The following KLHL26 variants were observed in gnomAD, a reference collection of about 807,000 sequenced individuals.
The protein encoded by KLHL26 is kelch like family member 26, also known as kelch-like protein 26.
In KLHL26, 4 loss-of-function variants were observed where a neutral mutation model predicts 7.1. The observed-to-expected ratio is 0.56, with a 90% confidence interval of 0.28 to 1.28. KLHL26 has a LOEUF of 1.28. KLHL26 is among the 50% of genes most tolerant of loss of function. KLHL26 has a pLI of 0.11. For synonymous variants in KLHL26, 465 were observed against 414.1 expected, an observed-to-expected ratio of 1.12 and a Z score of -1.49; for missense variants, 896 against 924.6, an observed-to-expected ratio of 0.97 and a Z score of 0.40.
intron 1 of KLHL26, among the ~76,000 whole-genome samples, chr19:18,658,362 C>A (rs555479971): frequency 6.6e-6 from 1 of 151,994 alleles, no homozygotes; most frequent in Non-Finnish European, 1.5e-5. Context: ...CTCTGGCACT[C>A]GAGCCCCACA....
At chr19:18,655,199 G>A (rs981304966) in intron 1 of KLHL26, among the ~76,000 whole-genome samples, 1 of 152,234 alleles carries the variant, frequency 6.6e-6, no homozygotes, top group African/African-American at 2.4e-5. Context: ...GGCGGCTGGA[G>A]GACTAGTGGG....
intron 1 of KLHL26, among the ~76,000 whole-genome samples, chr19:18,663,690 G>A (rs1412473195): frequency 6.6e-6 from 1 of 151,612 alleles, no homozygotes; most frequent in Non-Finnish European, 1.5e-5. Context: ...AAGAAGTGGT[G>A]TGTTAACGGC....
Position 18,668,525 on chromosome 19 carries a change from CG to C in KLHL26, c.1129del (p.Glu377ArgfsTer14). ...GGCAGCACCTGCAGTACCGCAGCGG[CG>C]AGGGCGCAGTGGACGCCTGCTACCG... is the stretch of plus-strand genomic sequence containing the variant. ...GGQHLQYRSGEGAVDACYRYD... is the reference protein window; with the variant it reads ...GGQHLQYRSGXGAVDACYRYD... On this transcript the variant is annotated frameshift_variant, in exon 3 of 3. Transcript: ENST00000300976. LOFTEE classifies it low-confidence loss of function (END_TRUNC). 6.3e-7 allele frequency: 1 copy of C among 1,598,352 alleles called. No homozygotes were observed. The highest frequency in any genetic ancestry group is 1.1e-5 in the South Asian group (1 of 90,744).
At chr19:18,657,107 C>T (rs2052342361) in intron 1 of KLHL26, among the ~76,000 whole-genome samples, 1 of 151,762 alleles carries the variant, frequency 6.6e-6, no homozygotes, top group Non-Finnish European at 1.5e-5. Flanking sequence ...CTCCCTATCT[C>T]TGAGTCTCTG....
chr19:18,639,640 C>T (rs535913012), intron 1 of KLHL26, among the ~76,000 whole-genome samples: 4 of 148,684 alleles, frequency 2.7e-5, no homozygotes, highest in African/African-American at 9.9e-5. Context: ...GAACTGCTGA[C>T]CTCAAGTGAT....
In KLHL26 at chr19:18,656,885, C is replaced by T. The variant is rs145472251; in HGVS notation, c.84-7376C>T. Among the ~76,000 whole-genome samples the T allele has an allele frequency of 8.3e-4, 127 of 152,266 alleles. 1 individual carries two copies. The highest frequency in any genetic ancestry group is 3.0e-3 in the African/African-American group (123 of 41,552). ...ATCAGCATGTCAAGCAGGAGGGAGA[C>T]ACAGACAGCTGCACCCTGGCGGCCC... On this transcript the variant is annotated intron_variant, in intron 1 of 2. Coordinates refer to ENST00000300976, the MANE Select transcript of KLHL26 (RefSeq NM_018316.3). This position sits in a 1 kb window ranked among gnomAD's most constrained non-coding sequence, Gnocchi z 4.4.
At chr19:18,667,575 A>G (rs922517258) in intron 2 of KLHL26, 89 bp from the exon 3 acceptor site, 2 of 1,525,674 alleles carry the variant, frequency 1.3e-6, no homozygotes, top group African/African-American at 1.4e-5. Context: ...CTGTGTCCCC[A>G]GGCTACTGTT....
chr19:18,664,878 C>A (rs1029928429), intron 2 of KLHL26, among the ~76,000 whole-genome samples: 2 of 151,966 alleles, frequency 1.3e-5, no homozygotes, highest in African/African-American at 2.4e-5. Flanking sequence ...GCCACCGCTC[C>A]GGGCCCCTTC....
At chr19:18,643,548 G>A (rs1019420118) in intron 1 of KLHL26, among the ~76,000 whole-genome samples, 2 of 151,548 alleles carry the variant, frequency 1.3e-5, no homozygotes, top group African/African-American at 4.9e-5. Flanking sequence ...GCATGATCTC[G>A]GTTCACCAAA....
chr19:18,669,033 C>T lies in KLHL26; in HGVS notation c.1636C>T (p.Arg546Trp), dbSNP rs970923678. 7 of 1,612,578 alleles carry T rather than the reference C, an allele frequency of 4.3e-6. No individual in the cohort carries two copies. Among genetic ancestry groups the T allele is most frequent in the Admixed American group, 3.3e-5 (2 of 60,006 alleles). Residue 546 changes from arginine (R) to tryptophan (W), a missense_variant, in exon 3 of 3, where the codon CGG (arginine) becomes TGG (tryptophan). Arg to Trp is a moderately radical substitution (Grantham distance 101, BLOSUM62 -3). Transcript: ENST00000300976. ...TDQWTSVSPMRAGQSEAGCCL... is the reference protein window; with the variant it reads ...TDQWTSVSPMWAGQSEAGCCL... The stretch of plus-strand genomic sequence containing the variant: ...CCAGTGGACCAGCGTGAGCCCCATG[C>T]GGGCCGGCCAGTCAGAGGCCGGCTG...
chr19:18,652,823 A>G (rs975424582), intron 1 of KLHL26, among the ~76,000 whole-genome samples: 1 of 152,152 alleles, frequency 6.6e-6, no homozygotes, highest in African/African-American at 2.4e-5. Flanking sequence ...GTATAAGGCC[A>G]TCAACTGGGG....
At chr19:18,652,930 G>T (rs890499015) in intron 1 of KLHL26, among the ~76,000 whole-genome samples, 1 of 152,224 alleles carries the variant, frequency 6.6e-6, no homozygotes, top group Non-Finnish European at 1.5e-5. Flanking sequence ...TTGAGGCACA[G>T]AGAGGTTCAG....
rs1205400344 is a variant in KLHL26 at position 18,669,230 on chromosome 19, C to T, written c.1833C>T (p.Ala611=). 8.7e-6 allele frequency: 14 copies of T among 1,609,852 alleles called. No homozygotes were observed. The highest frequency in any genetic ancestry group is 3.3e-5 in the Admixed American group (2 of 59,920). The change falls in exon 3 of 3, where the codon GCC becomes GCT. Residue 611 remains alanine (A), a synonymous_variant. Coordinates refer to ENST00000300976, the MANE Select transcript of KLHL26 (RefSeq NM_018316.3). ...IACAPVLLPR[A]GTRR ...GCGCCCCCGTCCTGCTGCCCCGGGC[C>T]GGGACCAGGAGGTAGCCCCCAAGAC...
At chr19:18,645,281 G>T (rs1976782382) in intron 1 of KLHL26, among the ~76,000 whole-genome samples, 1 of 152,234 alleles carries the variant, frequency 6.6e-6, no homozygotes, top group African/African-American at 2.4e-5. Flanking sequence ...CAAACCCTCT[G>T]GGGAGTCGCA....
intron 1 of KLHL26, among the ~76,000 whole-genome samples, chr19:18,637,772 G>A (rs931462527): frequency 2.6e-5 from 4 of 151,978 alleles, no homozygotes; most frequent in African/African-American, 9.7e-5. Context: ...AACATACAGA[G>A]GGTTCTTCTT....
chr19:18,650,431 C>A lies in KLHL26; in HGVS notation c.83+13294C>A, dbSNP rs568267325. On this transcript the variant is annotated intron_variant, in intron 1 of 2. Coordinates refer to ENST00000300976, the MANE Select transcript of KLHL26 (RefSeq NM_018316.3). This position sits in a 1 kb window ranked among gnomAD's most constrained non-coding sequence, Gnocchi z 4.2. ...CTCTGTTGCCATCAGCCTGAGTCATCCTCTATCTGAAAAACTTCCAGGACT... is the reference window on the plus strand; with the variant it reads ...CTCTGTTGCCATCAGCCTGAGTCATACTCTATCTGAAAAACTTCCAGGACT... Among the ~76,000 whole-genome samples, 274 of 152,196 alleles carry A rather than the reference C, an allele frequency of 1.8e-3. 1 individual carries two copies. Among genetic ancestry groups the A allele is most frequent in the African/African-American group, 5.7e-3 (235 of 41,522 alleles).
intron 1 of KLHL26, among the ~76,000 whole-genome samples, chr19:18,658,407 A>C (rs1001249500): frequency 6.9e-6 from 1 of 145,886 alleles, no homozygotes; most frequent in Non-Finnish European, 1.5e-5. Flanking sequence ...TGTCACCCCC[A>C]CCCCTGCCAC....
Position 18,667,984 on chromosome 19 carries a change from C to T in KLHL26, c.587C>T (p.Ala196Val). The change falls in exon 3 of 3, where the codon GCC becomes GTC. Residue 196 changes from alanine (A) to valine (V), a missense_variant. Physicochemically the swap from Ala to Val is moderately conservative, Grantham distance 64. Coordinates refer to ENST00000300976, the MANE Select transcript of KLHL26 (RefSeq NM_018316.3). ...AFTFRHFLQI[A>V]EEEDFLRLPL... The stretch of plus-strand genomic sequence containing the variant: ...ACCTTCCGGCACTTCCTGCAGATCG[C>T]CGAGGAGGAGGATTTCCTGCGCCTG... The T allele has an allele frequency of 6.2e-7, 1 of 1,608,360 alleles. No homozygotes were observed. The highest frequency in any genetic ancestry group is 8.5e-7 in the Non-Finnish European group (1 of 1,179,974).
intron 1 of KLHL26, among the ~76,000 whole-genome samples, chr19:18,662,073 A>G (rs1422844877): frequency 6.6e-6 from 1 of 152,014 alleles, no homozygotes; most frequent in Non-Finnish European, 1.5e-5. Context: ...GATGCTCTTT[A>G]TATATGGAAG....
Sources: allele counts gnomAD v4.1 joint callset (sites outside exome capture counted in the v4.1 genomes callset), GRCh38; gene constraint gnomAD v4.1.1; non-coding constraint Gnocchi (gnomAD v3.1); transcripts MANE v1.5; gene names NCBI Gene and HGNC (gene_info 2026-07-23, HGNC 2026-07-21).